The following AGBL1 variants were observed in gnomAD, a reference collection of about 807,000 sequenced individuals.
The protein encoded by AGBL1 is AGBL carboxypeptidase 1.
In AGBL1, 130 loss-of-function variants were observed where a neutral mutation model predicts 118.9. The ratio of observed to expected loss-of-function variants is 1.09; its 90% CI spans 0.95 to 1.26. AGBL1 has a LOEUF of 1.26. Ranked by LOEUF, AGBL1 falls within the 50% of genes most tolerant of loss-of-function variation. AGBL1 has a pLI of 0.00. For missense variants in AGBL1, 1,584 were observed against 1,298.1 expected (o/e 1.22, Z -3.38); for synonymous variants, 555 against 478.9 (o/e 1.16, Z -2.08).
At chr15:86,644,892 G>A (rs1468610045) in intron 21 of AGBL1, among the ~76,000 whole-genome samples, 2 of 148,536 alleles carry the variant, frequency 1.3e-5, no homozygotes, top group African/African-American at 2.5e-5. Flanking sequence ...GTGGTGGCAC[G>A]CACCTGTAGT....
At chr15:86,478,637 C>A (rs1288994054) in intron 18 of AGBL1, among the ~76,000 whole-genome samples, 1 of 152,234 alleles carries the variant, frequency 6.6e-6, no homozygotes, top group East Asian at 1.9e-4. Context: ...GAATCAATAT[C>A]ATGAAAATGG....
intron 22 of AGBL1, among the ~76,000 whole-genome samples, chr15:86,834,495 C>CTTAGGGATAAA (rs1426658571): frequency 6.6e-6 from 1 of 152,122 alleles, no homozygotes; most frequent in Non-Finnish European, 1.5e-5. Flanking sequence ...TACAGGCCCT[C>CTTAGGGATAAA]TTAGGGATAA....
chr15:86,221,980 C>T (rs2078287658), intron 5 of AGBL1, among the ~76,000 whole-genome samples: 1 of 152,152 alleles, frequency 6.6e-6, no homozygotes, highest in Non-Finnish European at 1.5e-5. Context: ...GTTTGAAAAA[C>T]AGTGTGCCTA....
intron 1 of AGBL1, among the ~76,000 whole-genome samples, chr15:86,119,837 C>T (rs1897987452): frequency 6.6e-6 from 1 of 152,140 alleles, no homozygotes; most frequent in African/African-American, 2.4e-5. Flanking sequence ...TTGTGGATGG[C>T]TCCCCACAAG....
At chr15:86,548,819 A>G (rs1285057224) in intron 20 of AGBL1, among the ~76,000 whole-genome samples, 3 of 152,088 alleles carry the variant, frequency 2.0e-5, no homozygotes, top group Non-Finnish European at 4.4e-5. Context: ...TAAATTATAA[A>G]GAAAAGAGGT....
intron 21 of AGBL1, among the ~76,000 whole-genome samples, chr15:86,604,267 AAC>A (rs1177484729): frequency 1.3e-5 from 2 of 150,644 alleles, no homozygotes; most frequent in Non-Finnish European, 3.0e-5. Context: ...CTCATTAAAC[AAC>A]AGTTATCAAT....
chr15:86,416,182 T>C (rs995065632), intron 18 of AGBL1, among the ~76,000 whole-genome samples: 2 of 152,168 alleles, frequency 1.3e-5, no homozygotes, highest in East Asian at 1.9e-4. Context: ...TGAGTAGAGA[T>C]GACTAAATAT....
intron 5 of AGBL1, among the ~76,000 whole-genome samples, chr15:86,224,417 C>G (rs1036182679): frequency 1.3e-5 from 2 of 152,126 alleles, no homozygotes; most frequent in African/African-American, 2.4e-5. Flanking sequence ...AGGAAACAGC[C>G]TCTCTTTGCA....
intron 17 of AGBL1, among the ~76,000 whole-genome samples, chr15:86,315,476 G>T (rs946430195): frequency 3.3e-5 from 5 of 152,046 alleles, no homozygotes; most frequent in African/African-American, 1.2e-4. Flanking sequence ...CAGCACTTTG[G>T]AGGCCAAGGC....
At position 86,267,021 on chromosome 15, in the gene AGBL1, C is replaced by T. The variant is rs369016709; in HGVS notation, c.1783C>T (p.Arg595Trp). ...PLQDNASNCLRFFSKFESGNL... is the reference protein window; with the variant it reads ...PLQDNASNCLWFFSKFESGNL... The stretch of plus-strand genomic sequence containing the variant: ...GCAAGACAATGCTTCCAATTGTTTA[C>T]GGTTCTTCTCCAAATTTGAGTCAGG... The change falls in exon 13 of 23, where the codon CGG (arginine) becomes TGG (tryptophan). Residue 595 changes from arginine to tryptophan, a missense_variant. Coordinates refer to ENST00000614907, the MANE Select transcript of AGBL1 (RefSeq NM_001386094.1). 6.2e-5 allele frequency: 98 copies of T among 1,571,300 alleles called. No individual in the cohort carries two copies. Among genetic ancestry groups the T allele is most frequent in the Middle Eastern group, 1.7e-4 (1 of 6,008 alleles).
At chr15:86,617,638 A>C (rs1567085603) in intron 21 of AGBL1, among the ~76,000 whole-genome samples, 1 of 152,190 alleles carries the variant, frequency 6.6e-6, no homozygotes, top group African/African-American at 2.4e-5. Context: ...TAAATTAAAA[A>C]GCTTTTTCAT....
At chr15:86,796,954 T>G (rs1426998364) in intron 22 of AGBL1, among the ~76,000 whole-genome samples, 2 of 152,216 alleles carry the variant, frequency 1.3e-5, no homozygotes, top group Non-Finnish European at 2.9e-5. Flanking sequence ...CTGTGCTGAC[T>G]CCAAGAGGTG....
At chr15:86,083,204 A>AG (rs1027101409) in intron 1 of AGBL1, 14 of 151,854 alleles carry the variant, frequency 9.2e-5, no homozygotes, top group African/African-American at 3.4e-4. Context: ...GAAAAAAAAA[A>AG]GAGGTGTCTC....
rs140828964 is a variant in AGBL1, at chr15:86,216,663, C to G, written c.489-8251C>G. Among the ~76,000 whole-genome samples, 4 of 152,268 alleles carry G rather than the reference C, an allele frequency of 2.6e-5. No homozygotes were observed. The East Asian group carries it at 7.7e-4, about 29-fold the overall frequency. ...TTTACTTGTTGCTGTGTTTAGTTTGCTCCACATGGCTTTCTACTGGTCTCT... is the reference window on the plus strand; with the variant it reads ...TTTACTTGTTGCTGTGTTTAGTTTGGTCCACATGGCTTTCTACTGGTCTCT... On this transcript the variant is annotated intron_variant, in intron 5 of 22. Coordinates refer to ENST00000614907, the MANE Select transcript of AGBL1 (RefSeq NM_001386094.1).
intron 22 of AGBL1, among the ~76,000 whole-genome samples, chr15:86,717,831 G>A (rs903512796): frequency 1.3e-4 from 20 of 152,182 alleles, no homozygotes; most frequent in African/African-American, 4.8e-4. Context: ...TGTAATCTCA[G>A]CATTTTGGGA....
chr15:86,422,424 A>C (rs2081804190), intron 18 of AGBL1, among the ~76,000 whole-genome samples: 2 of 152,204 alleles, frequency 1.3e-5, no homozygotes, highest in Admixed American at 1.3e-4. Flanking sequence ...AACTTACCAC[A>C]ATCTCTGAGA....
intron 17 of AGBL1, among the ~76,000 whole-genome samples, chr15:86,303,996 T>G (rs7167360): frequency 0.23 from 34,652 of 151,998 alleles, 4,332 homozygotes; most frequent in Non-Finnish European, 0.27. Flanking sequence ...AACCCCATAA[T>G]CGTAACTGTT....
At chr15:86,178,771 A>C (rs945038202) in intron 5 of AGBL1, among the ~76,000 whole-genome samples, 7 of 152,230 alleles carry the variant, frequency 4.6e-5, no homozygotes, top group African/African-American at 1.4e-4. Flanking sequence ...GCAGGCAAAG[A>C]CTTTACAAAG....
intron 22 of AGBL1, among the ~76,000 whole-genome samples, chr15:86,765,396 A>G (rs999443888): frequency 6.6e-6 from 1 of 152,042 alleles, no homozygotes; most frequent in African/African-American, 2.4e-5. Flanking sequence ...TCAACAGACA[A>G]CTACAATCCC....
Sources: gnomAD v4.1 joint callset for allele counts (sites outside exome capture counted in the v4.1 genomes callset) on GRCh38, gnomAD v4.1.1 for gene constraint, MANE v1.5 for transcripts, NCBI Gene and HGNC (gene_info 2026-07-23, HGNC 2026-07-21) for gene names.